C8orf34: variants seen among roughly 807,000 people sequenced by gnomAD.
The protein encoded by C8orf34 is chromosome 8 open reading frame 34, also known as uncharacterized protein C8orf34.
In C8orf34, 65 loss-of-function variants were observed where a neutral mutation model predicts 68.3. The observed-to-expected ratio is 0.95, with a 90% CI of 0.78 to 1.17. The LOEUF (loss-of-function observed/expected upper bound fraction) is 1.17. Ranked by LOEUF, C8orf34 falls within the 50% of genes most tolerant of loss-of-function variation. The pLI is 0.00. For missense variants in C8orf34, 664 were observed against 655.4 expected, an observed-to-expected ratio of 1.01 and a Z score of -0.14; for synonymous variants, 244 against 241.2, an observed-to-expected ratio of 1.01 and a Z score of -0.11.
intron 1 of C8orf34, among the ~76,000 whole-genome samples, chr8:68,351,137 C>T (rs1806495296): frequency 6.6e-6 from 1 of 151,948 alleles, no homozygotes. Context: ...TTCAAGGTCT[C>T]TTGTAAGGCA....
rs190347972 is a variant in C8orf34, at chr8:68,411,109, T to G, written c.328-28390T>G. ...CCCATGCTATTGTGTTTTCATTCTTTAAGTAATACATTTTCTGTTATTTTA... is the reference window on the plus strand; with the variant it reads ...CCCATGCTATTGTGTTTTCATTCTTGAAGTAATACATTTTCTGTTATTTTA... On this transcript the variant is annotated intron_variant, in intron 1 of 13. Coordinates refer to ENST00000518698, the MANE Select transcript of C8orf34 (RefSeq NM_052958.4). Among the ~76,000 whole-genome samples, 6 of 152,334 alleles carry G rather than the reference T, an allele frequency of 3.9e-5. 1 individual carries two copies. The highest frequency in any genetic ancestry group is 3.9e-4 in the Admixed American group (6 of 15,286).
chr8:68,645,494 C>T (rs574589240), intron 8 of C8orf34, among the ~76,000 whole-genome samples: 12 of 152,068 alleles, frequency 7.9e-5, no homozygotes, highest in Non-Finnish European at 1.5e-4. Flanking sequence ...AGGGAGAAAT[C>T]TCTGGTCCAT....
chr8:68,636,639 C>A (rs28373295), intron 7 of C8orf34, among the ~76,000 whole-genome samples: 3,508 of 152,194 alleles, frequency 0.023, 140 homozygotes, highest in African/African-American at 0.079. Context: ...CCTTTGGTCA[C>A]TCTCTTTTTT....
At chr8:68,735,305 C>A (rs1822093537) in intron 10 of C8orf34, among the ~76,000 whole-genome samples, 1 of 152,134 alleles carries the variant, frequency 6.6e-6, no homozygotes, top group African/African-American at 2.4e-5. Flanking sequence ...ATAAGAATTG[C>A]CCTGCTGTAA....
At chr8:68,665,115 GA>G (rs1052578558) in intron 8 of C8orf34, among the ~76,000 whole-genome samples, 3 of 151,988 alleles carry the variant, frequency 2.0e-5, no homozygotes, top group African/African-American at 7.2e-5. Context: ...AGAAGTTTGG[GA>G]AAAAAATCAT....
chr8:68,711,293 C>T (rs1309457186), intron 9 of C8orf34, among the ~76,000 whole-genome samples: 2 of 151,984 alleles, frequency 1.3e-5, no homozygotes, highest in Admixed American at 6.6e-5. Context: ...TACGAGCTCA[C>T]AAGCAATGGA....
intron 10 of C8orf34, among the ~76,000 whole-genome samples, chr8:68,739,462 C>A (rs1168836501): frequency 6.6e-6 from 1 of 151,774 alleles, no homozygotes; most frequent in Non-Finnish European, 1.5e-5. Context: ...AGGCAAGAGC[C>A]CAATCAGCAA....
At chr8:68,346,300 TAGGA>T (rs1806281420) in intron 1 of C8orf34, among the ~76,000 whole-genome samples, 1 of 148,482 alleles carries the variant, frequency 6.7e-6, no homozygotes. Context: ...ATCATATTGT[TAGGA>T]TTTAGGTTCA....
intron 4 of C8orf34, among the ~76,000 whole-genome samples, chr8:68,484,245 C>T (rs575357905): frequency 2.0e-4 from 31 of 152,328 alleles, no homozygotes; most frequent in Non-Finnish European, 4.1e-4. Context: ...ATCATGAGAG[C>T]GGCAACAAAG....
chr8:68,334,298 C>G (rs978768111), intron 1 of C8orf34, among the ~76,000 whole-genome samples: 2 of 151,970 alleles, frequency 1.3e-5, no homozygotes, highest in African/African-American at 4.8e-5. Flanking sequence ...GCCTAAAAAT[C>G]ATTGCATTAG....
intron 8 of C8orf34, among the ~76,000 whole-genome samples, chr8:68,651,051 CT>C: frequency 6.6e-6 from 1 of 152,082 alleles, no homozygotes. Flanking sequence ...CTGAGGACTC[CT>C]TTTACCCTCT....
At chr8:68,796,822 C>CTTTTTTTTTTTTTTTTTTTTTTTTTTTT (rs372049123) in intron 12 of C8orf34, among the ~76,000 whole-genome samples, 1 of 122,876 alleles carries the variant, frequency 8.1e-6, no homozygotes. Flanking sequence ...TTGAGTTCTT[C>CTTTTTTTTTTTTTTTTTTTTTTTTTTTT]TTTTTTTTTT....
chr8:68,602,785 A>AC (rs796814609), intron 7 of C8orf34, among the ~76,000 whole-genome samples: 55 of 152,118 alleles, frequency 3.6e-4, no homozygotes, highest in African/African-American at 1.2e-3. Context: ...GAAATGGAAG[A>AC]CCATTTCCCC....
intron 7 of C8orf34, among the ~76,000 whole-genome samples, chr8:68,619,995 G>A (rs1818341789): frequency 6.6e-6 from 1 of 152,164 alleles, no homozygotes; most frequent in Admixed American, 6.5e-5. Context: ...GATTAGAAGT[G>A]AAGAGGAAGG....
chr8:68,662,135 G>A (rs1819698814), intron 8 of C8orf34, among the ~76,000 whole-genome samples: 1 of 152,154 alleles, frequency 6.6e-6, no homozygotes, highest in Non-Finnish European at 1.5e-5. Context: ...CGGGAAAGTG[G>A]CAATGGGTTA....
At chr8:68,385,508 A>G (rs1330040811) in intron 1 of C8orf34, among the ~76,000 whole-genome samples, 1 of 152,232 alleles carries the variant, frequency 6.6e-6, no homozygotes, top group African/African-American at 2.4e-5. Flanking sequence ...AATGTTGAAT[A>G]ATAAAAAACA....
chr8:68,490,727 T>C (rs746104565), intron 5 of C8orf34, among the ~76,000 whole-genome samples: 2 of 152,156 alleles, frequency 1.3e-5, no homozygotes, highest in Non-Finnish European at 2.9e-5. Context: ...TCGACCCCAC[T>C]TTTGCATCTG....
At chr8:68,779,465 G>C (rs563073162) in intron 11 of C8orf34, among the ~76,000 whole-genome samples, 64 of 152,260 alleles carry the variant, frequency 4.2e-4, no homozygotes, top group Admixed American at 2.4e-3. Context: ...GAACTTACTG[G>C]CAGTGTGGCA....
chr8:68,581,809 T>C (rs1017870318), intron 7 of C8orf34, among the ~76,000 whole-genome samples: 1 of 152,068 alleles, frequency 6.6e-6, no homozygotes, highest in African/African-American at 2.4e-5. Context: ...TCCTTTATCA[T>C]TGTCTCACCT....
Sources: allele counts gnomAD v4.1 joint callset (sites outside exome capture counted in the v4.1 genomes callset), GRCh38; gene constraint gnomAD v4.1.1; transcripts MANE v1.5; gene names NCBI Gene and HGNC (gene_info 2026-07-23, HGNC 2026-07-21).